The following DAGLA variants were observed in gnomAD, a reference collection of about 807,000 sequenced individuals.
The protein encoded by DAGLA is diacylglycerol lipase-alpha.
Under a neutral mutation model 102.6 loss-of-function variants are expected in DAGLA, and 22 were observed. The ratio of observed to expected loss-of-function variants is 0.21; its 90% CI spans 0.15 to 0.31. The LOEUF is 0.31. Among genes scored for constraint, DAGLA ranks in the 10% least tolerant of loss-of-function variants. The pLI is 1.00. For missense variants in DAGLA, 927 were observed against 1,446.6 expected, an observed-to-expected ratio of 0.64 and a Z score of 5.83; for synonymous variants, 578 against 628.9, an observed-to-expected ratio of 0.92 and a Z score of 1.21.
intron 1 of DAGLA, among the ~76,000 whole-genome samples, chr11:61,705,491 C>T (rs149673759): frequency 7.3e-4 from 111 of 152,318 alleles, no homozygotes; most frequent in African/African-American, 2.5e-3. Flanking sequence ...TCCTCCAGTG[C>T]TTGTTCCGCT....
intron 15 of DAGLA, 135 bp from the exon 16 acceptor site, chr11:61,738,000 C>T: frequency 1.3e-6 from 1 of 743,100 alleles, no homozygotes; most frequent in Non-Finnish European, 2.3e-6. Flanking sequence ...GGACACCTCT[C>T]CACCCCGTGA....
intron 4 of DAGLA, 125 bp downstream of exon 4, chr11:61,723,085 G>T: frequency 1.2e-6 from 1 of 824,560 alleles, no homozygotes; most frequent in Non-Finnish European, 2.0e-6. Context: ...GCACCAGCAG[G>T]TTGGCTGGGC....
At chr11:61,729,528 T>A (rs1172336279) in intron 8 of DAGLA, among the ~76,000 whole-genome samples, 2 of 150,194 alleles carry the variant, frequency 1.3e-5, no homozygotes, top group Non-Finnish European at 3.0e-5. Flanking sequence ...AAACCACAGC[T>A]GGCAGCCGGG....
intron 6 of DAGLA, among the ~76,000 whole-genome samples, chr11:61,727,168 T>G (rs142467414): frequency 6.6e-6 from 1 of 152,352 alleles, no homozygotes; most frequent in East Asian, 1.9e-4. Flanking sequence ...CCCAAGCATG[T>G]TTTGATCAGC....
chr11:61,711,804 C>T lies in DAGLA; in HGVS notation c.-44-8308C>T, dbSNP rs73485424. Among the ~76,000 whole-genome samples, 1,055 of 152,314 alleles carry T rather than the reference C, an allele frequency of 6.9e-3. 13 individuals carry two copies. Among genetic ancestry groups the T allele is most frequent in the African/African-American group, 0.025 (1,022 of 41,558 alleles). ...AAGCCTTCTGGGGAGAGGCCTGGAGCACAGGCCCTGCAACCTCAGGCCTGG... is the reference window on the plus strand; with the variant it reads ...AAGCCTTCTGGGGAGAGGCCTGGAGTACAGGCCCTGCAACCTCAGGCCTGG... On this transcript the variant is annotated intron_variant, in intron 1 of 19. Coordinates refer to ENST00000257215, the MANE Select transcript of DAGLA (RefSeq NM_006133.3).
chr11:61,738,283 G>GCTTTGTCCCA, intron 16 of DAGLA, 76 bp downstream of exon 16: 1 of 1,302,170 alleles, frequency 7.7e-7, no homozygotes, highest in Non-Finnish European at 1.1e-6. Context: ...GGTTTCTTGG[G>GCTTTGTCCCA]ACAAAGCACA....
rs765899511 is a variant in DAGLA at position 61,729,016 on chromosome 11, A to G, written c.849+8A>G. On this transcript the variant is annotated splice_region_variant and intron_variant, in intron 8 of 19. Transcript: ENST00000257215. ...CTCGACCTCAAGAATTCAGTGAGTC[A>G]GACATCAACTCTCACCCCACCCCGT... The G allele has an allele frequency of 6.2e-7, 1 of 1,612,734 alleles. No individual in the cohort carries two copies. The highest frequency in any genetic ancestry group is 2.2e-5 in the East Asian group (1 of 44,854).
intron 1 of DAGLA, among the ~76,000 whole-genome samples, chr11:61,705,094 C>T (rs191899282): frequency 2.6e-5 from 4 of 152,266 alleles, no homozygotes; most frequent in African/African-American, 7.2e-5. Flanking sequence ...GGCTGACTCC[C>T]GGAGCTGTTG....
chr11:61,691,617 C>T (rs2065025486), intron 1 of DAGLA, among the ~76,000 whole-genome samples: 2 of 152,234 alleles, frequency 1.3e-5, no homozygotes, highest in Admixed American at 1.3e-4. Flanking sequence ...AACACAGCCA[C>T]AGGGGCAGGC....
At chr11:61,733,701 GT>G (rs1207156170) in intron 9 of DAGLA, among the ~76,000 whole-genome samples, 1 of 152,212 alleles carries the variant, frequency 6.6e-6, no homozygotes, top group African/African-American at 2.4e-5. Flanking sequence ...ACCTGGCCCT[GT>G]TTGGGTGCTG....
intron 1 of DAGLA, among the ~76,000 whole-genome samples, chr11:61,705,768 A>G (rs1314153975): frequency 1.3e-5 from 2 of 152,168 alleles, no homozygotes; most frequent in Admixed American, 6.5e-5. Context: ...TGCATGCACT[A>G]ACTTGACTTT....
intron 9 of DAGLA, 45 bp downstream of exon 9, chr11:61,731,486 C>T (rs1247141874): frequency 1.7e-5 from 28 of 1,606,238 alleles, no homozygotes; most frequent in Middle Eastern, 1.7e-4. Context: ...CCTCTCCTCC[C>T]GGGTGGTGTG....
chr11:61,689,037 T>C (rs992988552), intron 1 of DAGLA, among the ~76,000 whole-genome samples: 1 of 152,250 alleles, frequency 6.6e-6, no homozygotes, highest in East Asian at 1.9e-4. Context: ...TCATTGGAAA[T>C]TGTGGCCAGG....
At position 61,684,236 on chromosome 11, in the gene DAGLA, A is replaced by G. The variant is rs1301003543; in HGVS notation, c.-45+3732A>G. On this transcript the variant is annotated intron_variant, in intron 1 of 19. Coordinates refer to ENST00000257215, the MANE Select transcript of DAGLA (RefSeq NM_006133.3). This position sits in a 1 kb window ranked among gnomAD's most constrained non-coding sequence, Gnocchi z 4.5. ...TGTGATTTCAATTTCTCACCGGAATAGCTTTACATTACACTCCAGTGGACT... is the reference window on the plus strand; with the variant it reads ...TGTGATTTCAATTTCTCACCGGAATGGCTTTACATTACACTCCAGTGGACT... Among the ~76,000 whole-genome samples, 1 of 152,246 alleles carries G rather than the reference A, an allele frequency of 6.6e-6. No homozygotes were observed. The highest frequency in any genetic ancestry group is 1.9e-4 in the East Asian group (1 of 5,196).
chr11:61,725,485 T>C (rs554575485), intron 5 of DAGLA, among the ~76,000 whole-genome samples: 1 of 152,082 alleles, frequency 6.6e-6, no homozygotes, highest in Non-Finnish European at 1.5e-5. Context: ...GTAAGTAGAG[T>C]ATGTAAGTAT....
intron 14 of DAGLA, 119 bp downstream of exon 14, chr11:61,737,443 G>A: frequency 1.4e-6 from 2 of 1,437,624 alleles, no homozygotes; most frequent in South Asian, 1.2e-5. Flanking sequence ...AGGTCTGGGA[G>A]TGGCCTGGAG....
chr11:61,709,127 C>T lies in DAGLA; in HGVS notation c.-44-10985C>T, dbSNP rs556343756. ...CCTGTATGTAGCCCCCAGGCTCTCT[C>T]CTTGGCCATTCTGCAAGTAAAACTC... On this transcript the variant is annotated intron_variant, in intron 1 of 19. Coordinates refer to ENST00000257215, the MANE Select transcript of DAGLA (RefSeq NM_006133.3). Among the ~76,000 whole-genome samples, 4 of 152,354 alleles carry T rather than the reference C, an allele frequency of 2.6e-5. No individual in the cohort carries two copies. The South Asian group carries it at 8.3e-4, about 32-fold the overall frequency.
intron 1 of DAGLA, among the ~76,000 whole-genome samples, chr11:61,685,515 A>G (rs1415869043): frequency 6.6e-6 from 1 of 152,150 alleles, no homozygotes; most frequent in Non-Finnish European, 1.5e-5. Context: ...CCACTTGGAC[A>G]TAGTCGATAG....
intron 17 of DAGLA, among the ~76,000 whole-genome samples, chr11:61,739,881 T>C (rs2065462512): frequency 6.6e-6 from 1 of 152,210 alleles, no homozygotes; most frequent in African/African-American, 2.4e-5. Context: ...CTCCATAGTC[T>C]GGCTTTGCCT....
Sources: gnomAD v4.1 joint callset for allele counts (sites outside exome capture counted in the v4.1 genomes callset) on GRCh38, gnomAD v4.1.1 for gene constraint, Gnocchi (gnomAD v3.1) non-coding constraint, MANE v1.5 for transcripts, NCBI Gene and HGNC (gene_info 2026-07-23, HGNC 2026-07-21) for gene names.